GRIK3: variants seen among roughly 807,000 people sequenced by gnomAD.
GRIK3 encodes the protein glutamate receptor ionotropic, kainate 3.
GRIK3 carries 29 observed loss-of-function variants against 102.5 expected under a neutral mutation model. The ratio of observed to expected loss-of-function variants is 0.28; its 90% confidence interval spans 0.21 to 0.39. GRIK3 has a LOEUF of 0.39. GRIK3 is among the 10% of genes least tolerant of loss of function. The pLI, the probability that GRIK3 is intolerant of heterozygous loss-of-function variation, is 1.00. For missense variants in GRIK3, 908 were observed against 1,252.4 expected (o/e 0.73, Z 4.15); for synonymous variants, 511 against 504.9 (o/e 1.01, Z -0.16).
intron 1 of GRIK3, among the ~76,000 whole-genome samples, chr1:36,999,005 TGTATGTGTG>T (rs1371510875): frequency 3.3e-5 from 2 of 61,072 alleles, no homozygotes; most frequent in Admixed American, 1.3e-4. Flanking sequence ...TGTGTGTGTG[TGTATGTGTG>T]TGTGTGTTGG....
At chr1:37,031,343 C>G (rs1642825608) in intron 1 of GRIK3, among the ~76,000 whole-genome samples, 1 of 152,222 alleles carries the variant, frequency 6.6e-6, no homozygotes, top group African/African-American at 2.4e-5. Flanking sequence ...ATGCCTTGAC[C>G]TCTCCTTCTG....
At chr1:36,957,697 C>T (rs1483771576) in intron 1 of GRIK3, among the ~76,000 whole-genome samples, 1 of 138,126 alleles carries the variant, frequency 7.2e-6, no homozygotes, top group African/African-American at 2.7e-5. Context: ...CCCCATGAGC[C>T]TGTGTGCCCC....
At chr1:36,996,804 C>A (rs1325073459) in intron 1 of GRIK3, among the ~76,000 whole-genome samples, 1 of 152,216 alleles carries the variant, frequency 6.6e-6, no homozygotes, top group African/African-American at 2.4e-5. Flanking sequence ...CTCCCCAGCT[C>A]CGCATATCCA....
intron 1 of GRIK3, among the ~76,000 whole-genome samples, chr1:36,912,620 A>C (rs1641358372): frequency 6.6e-6 from 1 of 151,872 alleles, no homozygotes; most frequent in African/African-American, 2.4e-5. Context: ...AGCTTTCCTG[A>C]GCTCCCTATG....
In GRIK3 at chr1:36,850,670, G is replaced by A. The variant is rs1467599036; in HGVS notation, c.1213-246C>T. 6.6e-6 allele frequency among the ~76,000 whole-genome samples: 1 copy of A among 152,182 alleles called. No individual in the cohort carries two copies. Among genetic ancestry groups the A allele is most frequent in the Non-Finnish European group, 1.5e-5 (1 of 68,034 alleles). On this transcript the variant is annotated intron_variant, in intron 8 of 15. Transcript: ENST00000373091. The surrounding 1 kb of genome is among the most constrained non-coding windows in gnomAD (Gnocchi z 4.0). ...CTGAATTCTGCCACCTCCCTTGCTG[G>A]CAAGCCCATCACAGCTGAAGGGGAA... is the stretch of plus-strand genomic sequence containing the variant.
intron 1 of GRIK3, among the ~76,000 whole-genome samples, chr1:36,919,314 G>A (rs998486322): frequency 1.3e-5 from 2 of 150,748 alleles, no homozygotes; most frequent in Non-Finnish European, 3.0e-5. Flanking sequence ...CAGAGGAAGT[G>A]ATATTTGGGC....
chr1:36,948,308 C>T (rs1641806577), intron 1 of GRIK3, among the ~76,000 whole-genome samples: 1 of 152,232 alleles, frequency 6.6e-6, no homozygotes, highest in South Asian at 2.1e-4. Context: ...CTACTGTGTG[C>T]CAGATCCTGT....
intron 1 of GRIK3, 125 bp downstream of exon 1, chr1:37,033,868 TG>T: frequency 1.9e-6 from 1 of 529,672 alleles, no homozygotes; most frequent in Non-Finnish European, 3.4e-6. Context: ...GAGCTCCTGG[TG>T]GTCACCGATC....
At chr1:36,972,796 A>T (rs1642158178) in intron 1 of GRIK3, among the ~76,000 whole-genome samples, 1 of 152,182 alleles carries the variant, frequency 6.6e-6, no homozygotes, top group Non-Finnish European at 1.5e-5. Context: ...GTCCCTCAGC[A>T]AGCTGGGAGC....
At chr1:36,815,143 T>G (rs550332164) in intron 13 of GRIK3, among the ~76,000 whole-genome samples, 1 of 152,360 alleles carries the variant, frequency 6.6e-6, no homozygotes, top group South Asian at 2.1e-4. Context: ...CCAACATGCC[T>G]TTGATAATGC....
intron 13 of GRIK3, among the ~76,000 whole-genome samples, chr1:36,810,278 G>C (rs1384434563): frequency 6.6e-6 from 1 of 152,176 alleles, no homozygotes; most frequent in Non-Finnish European, 1.5e-5. Context: ...AGGGAACGAA[G>C]TCTCACATAC....
chr1:36,922,836 A>G (rs529679998), intron 1 of GRIK3, among the ~76,000 whole-genome samples: 18 of 152,276 alleles, frequency 1.2e-4, no homozygotes, highest in African/African-American at 4.3e-4. Context: ...ACCCCTGAGC[A>G]GGGATCCAGC....
At chr1:36,837,696 A>G (rs1280732752) in intron 10 of GRIK3, among the ~76,000 whole-genome samples, 1 of 151,812 alleles carries the variant, frequency 6.6e-6, no homozygotes, top group African/African-American at 2.4e-5. Context: ...TTCAATGCCT[A>G]CCTCTTTCCC....
Position 36,970,514 on chromosome 1 carries a change from C to T in GRIK3, c.115+63480G>A, listed in dbSNP as rs529444715. 2.6e-5 allele frequency among the ~76,000 whole-genome samples: 4 copies of T among 152,298 alleles called. No individual in the cohort carries two copies. In the East Asian group the frequency reaches 5.8e-4, roughly 22 times the overall value. ...ACCATTGGAAGCTCAATTCCTGGCA[C>T]AAAAATTGTACTCAGTAAATATTTT... is the stretch of plus-strand genomic sequence containing the variant. On this transcript the variant is annotated intron_variant, in intron 1 of 15. Transcript: ENST00000373091.
intron 10 of GRIK3, among the ~76,000 whole-genome samples, chr1:36,838,576 T>C (rs1347054468): frequency 2.6e-5 from 4 of 152,218 alleles, no homozygotes; most frequent in South Asian, 2.1e-4. Context: ...TCTGTAACCC[T>C]TGGAAGACCA....
intron 7 of GRIK3, among the ~76,000 whole-genome samples, 180 bp downstream of exon 7, chr1:36,858,928 A>G (rs1310308172): frequency 6.6e-6 from 1 of 152,202 alleles, no homozygotes; most frequent in Non-Finnish European, 1.5e-5. Context: ...CAATCATGCC[A>G]TAAGTTTGGT....
intron 1 of GRIK3, among the ~76,000 whole-genome samples, chr1:37,003,071 T>G (rs1570858133): frequency 6.8e-6 from 1 of 146,408 alleles, no homozygotes; most frequent in Non-Finnish European, 1.5e-5. Flanking sequence ...TTTTTCCCCA[T>G]AGGAAAGATA....
intron 1 of GRIK3, among the ~76,000 whole-genome samples, chr1:36,939,481 C>T (rs543355643): frequency 3.3e-5 from 5 of 152,228 alleles, no homozygotes; most frequent in Admixed American, 1.3e-4. Context: ...AGAAGGCAGA[C>T]GGGAGCCTCC....
chr1:36,952,525 C>A (rs898810342), intron 1 of GRIK3, among the ~76,000 whole-genome samples: 2 of 152,244 alleles, frequency 1.3e-5, no homozygotes, highest in Admixed American at 1.3e-4. Flanking sequence ...GTTTTCTCAT[C>A]TCTAAAGTGG....
Sources: allele counts gnomAD v4.1 joint callset (sites outside exome capture counted in the v4.1 genomes callset), GRCh38; gene constraint gnomAD v4.1.1; non-coding constraint Gnocchi (gnomAD v3.1); transcripts MANE v1.5; gene names NCBI Gene and HGNC (gene_info 2026-07-23, HGNC 2026-07-21).